The following MROH2A variants were observed in gnomAD, a reference collection of about 807,000 sequenced individuals.
MROH2A encodes maestro heat like repeat family member 2A, also known as maestro heat-like repeat-containing protein family member 2A.
A neutral mutation model predicts 200.4 loss-of-function variants in MROH2A; 174 were observed. That is an observed-to-expected ratio of 0.87 (90% CI 0.77 to 0.98). MROH2A has a LOEUF of 0.98. Among genes scored for constraint, MROH2A ranks in the 50% least tolerant of loss-of-function variants. The pLI, the probability that MROH2A is intolerant of heterozygous loss-of-function variation, is 0.00. For missense variants in MROH2A, 2,045 were observed against 2,139.6 expected (o/e 0.96, Z 0.87); for synonymous variants, 829 against 840.4 (o/e 0.99, Z 0.23).
intron 26 of MROH2A, among the ~76,000 whole-genome samples, chr2:233,815,030 G>A (rs1374920931): frequency 1.3e-5 from 2 of 152,112 alleles, no homozygotes; most frequent in Admixed American, 6.5e-5. Flanking sequence ...ATGTTGACAC[G>A]ATGCATGTAT....
intron 16 of MROH2A, 117 bp from the exon 17 acceptor site, chr2:233,803,934 C>T: frequency 1.5e-6 from 2 of 1,335,004 alleles, no homozygotes; most frequent in Non-Finnish European, 2.0e-6. Context: ...TTTGAAATCC[C>T]TATTTGAAAA....
intron 34 of MROH2A, 54 bp downstream of exon 34, chr2:233,823,072 C>T: frequency 6.5e-7 from 1 of 1,537,808 alleles, no homozygotes; most frequent in Non-Finnish European, 8.8e-7. Flanking sequence ...CACCTCCTTG[C>T]TGGATGGAAG....
intron 22 of MROH2A, 106 bp from the exon 23 acceptor site, chr2:233,810,688 A>G: frequency 1.4e-6 from 2 of 1,399,148 alleles, no homozygotes; most frequent in Non-Finnish European, 1.9e-6. Context: ...TCAACATTAA[A>G]CGCTTTCTTC....
chr2:233,818,042 T>C lies in MROH2A; in HGVS notation c.3002T>C (p.Leu1001Pro). 6.4e-7 allele frequency: 1 copy of C among 1,551,040 alleles called. No individual in the cohort carries two copies. The highest frequency in any genetic ancestry group is 8.7e-7 in the Non-Finnish European group (1 of 1,147,088). The change falls in exon 28 of 42, where the codon CTC becomes CCC. Residue 1001 changes from leucine to proline, a missense_variant. Physicochemically the swap from Leu to Pro is moderately conservative, Grantham distance 98. This residue lies in a region of MROH2A where 1,201 missense variants were observed against 1,311.3 expected (regional missense o/e 0.92). Transcript: ENST00000389758. ...KLGQFGTMVGLIAPCTCDAHQ... is the reference protein window; with the variant it reads ...KLGQFGTMVGPIAPCTCDAHQ... ...GGGCAGTTTGGCACAATGGTCGGAC[T>C]CATTGCCCCGTGCACCTGTGATGCC...
chr2:233,793,689 T>C lies in MROH2A; in HGVS notation c.687T>C (p.Cys229=). 2 of 1,427,346 alleles carry C rather than the reference T, an allele frequency of 1.4e-6. No homozygotes were observed. Among genetic ancestry groups the C allele is most frequent in the Non-Finnish European group, 1.8e-6 (2 of 1,085,836 alleles). The allele number at this position is 1,427,346 out of a possible 1,614,324, so 88.4% of individuals were successfully genotyped here. A position where few individuals can be genotyped will look rare whatever the true frequency, so the allele number is the denominator to read the frequency against. The part of the protein sequence containing the change: ...QAICSAMETF[C]ETVQFYLKHL... ...TGTTGGTAGCCATGGAGACCTTCTGTGAGACGGTGCAGTTTTATCTGAAGC... is the reference window on the plus strand; with the variant it reads ...TGTTGGTAGCCATGGAGACCTTCTGCGAGACGGTGCAGTTTTATCTGAAGC... Residue 229 remains cysteine, a synonymous_variant, in exon 7 of 42, where the codon TGT becomes TGC. Coordinates refer to ENST00000389758, the MANE Select transcript of MROH2A (RefSeq NM_001394639.1).
intron 3 of MROH2A, among the ~76,000 whole-genome samples, chr2:233,788,323 T>G (rs1454958695): frequency 6.7e-6 from 1 of 148,632 alleles, no homozygotes; most frequent in Non-Finnish European, 1.5e-5. Context: ...ACACTGGTCT[T>G]GAGCCACACA....
intron 3 of MROH2A, among the ~76,000 whole-genome samples, chr2:233,780,317 G>C (rs1025345683): frequency 6.6e-6 from 1 of 152,124 alleles, no homozygotes; most frequent in East Asian, 1.9e-4. Context: ...ACTAGACAAG[G>C]GTTTGGAACA....
Position 233,820,052 on chromosome 2 carries a change from G to C in MROH2A, c.3508G>C (p.Glu1170Gln). Reference protein sequence around the residue: ...TSLLRQPLPMESHLAEVWLAV... With the variant: ...TSLLRQPLPMQSHLAEVWLAV... ...GCTCCTGAGGCAGCCACTGCCCATG[G>C]AGAGGTGGGTGCCCTGGAGGAGGTG... Residue 1170 changes from glutamate (E) to glutamine (Q), a missense_variant, in exon 31 of 42, where the codon GAG becomes CAG. Coordinates refer to ENST00000389758, the MANE Select transcript of MROH2A (RefSeq NM_001394639.1). This position sits in a 1 kb window ranked among gnomAD's most constrained non-coding sequence, Gnocchi z 4.1. The C allele has an allele frequency of 6.6e-7, 1 of 1,519,830 alleles. No homozygotes were observed. The highest frequency in any genetic ancestry group is 8.9e-7 in the Non-Finnish European group (1 of 1,126,840). 94.1% of individuals were successfully genotyped at this position (1,519,830 alleles called of 1,614,324 possible).
At chr2:233,826,011 A>T (rs1576014269) in intron 35 of MROH2A, among the ~76,000 whole-genome samples, 1 of 124,596 alleles carries the variant, frequency 8.0e-6, no homozygotes, top group South Asian at 2.4e-4. Context: ...TGCAACCTCC[A>T]CCTCCCGGGT....
At chr2:233,813,555 A>G in intron 24 of MROH2A, 115 bp from the exon 25 acceptor site, 1 of 635,910 alleles carries the variant, frequency 1.6e-6, no homozygotes. Flanking sequence ...CTCCAACTGG[A>G]GAAGTAGGCC....
chr2:233,803,188 A>G (rs1182464370), intron 15 of MROH2A, among the ~76,000 whole-genome samples: 2 of 152,224 alleles, frequency 1.3e-5, no homozygotes, highest in African/African-American at 2.4e-5. Flanking sequence ...GGTGTCCACT[A>G]CAAAATGCGC....
At chr2:233,785,373 G>A (rs1701152523) in intron 3 of MROH2A, among the ~76,000 whole-genome samples, 1 of 150,490 alleles carries the variant, frequency 6.6e-6, no homozygotes, top group Non-Finnish European at 1.5e-5. Context: ...CGAGATGGGA[G>A]CATTGTTTGA....
At chr2:233,791,952 TGGA>T (rs1276149768) in intron 5 of MROH2A, among the ~76,000 whole-genome samples, 1 of 152,090 alleles carries the variant, frequency 6.6e-6, no homozygotes, top group African/African-American at 2.4e-5. Context: ...GTGGGTGAAG[TGGA>T]GGGGCCTGCC....
intron 22 of MROH2A, 146 bp from the exon 23 acceptor site, chr2:233,810,648 C>T: frequency 9.5e-7 from 1 of 1,051,680 alleles, no homozygotes; most frequent in Non-Finnish European, 1.3e-6. Flanking sequence ...GGTCGAAGGA[C>T]AGAGTGAGGC....
chr2:233,798,972 C>G lies in MROH2A; in HGVS notation c.1329+122C>G. 5 of 756,178 alleles carry G rather than the reference C, an allele frequency of 6.6e-6. 1 individual carries two copies. Among genetic ancestry groups the G allele is most frequent in the South Asian group, 6.3e-5 (4 of 63,082 alleles). The allele number at this position is 756,178 out of a possible 1,614,324, so 46.8% of individuals were successfully genotyped here. A position where few individuals can be genotyped will look rare whatever the true frequency, so the allele number is the denominator to read the frequency against. On this transcript the variant is annotated intron_variant, in intron 12 of 41. Transcript: ENST00000389758. Reference sequence around the variant, plus strand: ...GAAAACCCGGCTTTCCATCGGGTCTCGACTGGGGCTGCAGAATGGTGAGGC... The same window carrying G: ...GAAAACCCGGCTTTCCATCGGGTCTGGACTGGGGCTGCAGAATGGTGAGGC...
chr2:233,780,071 A>C (rs1215586970), intron 3 of MROH2A, among the ~76,000 whole-genome samples: 1 of 152,184 alleles, frequency 6.6e-6, no homozygotes, highest in African/African-American at 2.4e-5. Context: ...TGGGTTTGGG[A>C]GCCATTGTCC....
chr2:233,805,854 C>A (rs1224138910), intron 19 of MROH2A, among the ~76,000 whole-genome samples: 2 of 152,084 alleles, frequency 1.3e-5, no homozygotes, highest in African/African-American at 4.8e-5. Flanking sequence ...GCTAGGGTAA[C>A]TAGAAATCCA....
intron 22 of MROH2A, among the ~76,000 whole-genome samples, chr2:233,810,476 C>A (rs999938014): frequency 6.6e-6 from 1 of 152,184 alleles, no homozygotes; most frequent in Non-Finnish European, 1.5e-5. Context: ...CCCGCTGGGT[C>A]CCTCCCACAA....
intron 24 of MROH2A, among the ~76,000 whole-genome samples, chr2:233,813,112 G>C (rs1364620513): frequency 6.6e-6 from 1 of 152,178 alleles, no homozygotes; most frequent in Non-Finnish European, 1.5e-5. Flanking sequence ...GTTGATGAAG[G>C]AGCTAGAAGA....
Sources: allele counts gnomAD v4.1 joint callset (sites outside exome capture counted in the v4.1 genomes callset), GRCh38; gene constraint gnomAD v4.1.1; regional missense constraint gnomAD v4.1.1; non-coding constraint Gnocchi (gnomAD v3.1); transcripts MANE v1.5; gene names NCBI Gene and HGNC (gene_info 2026-07-23, HGNC 2026-07-21).